NAV1: variants seen among roughly 807,000 people sequenced by gnomAD.
NAV1 encodes the protein neuron navigator 1.
In NAV1, 18 loss-of-function variants were observed where a neutral mutation model predicts 175.2. The observed-to-expected ratio is 0.10, with a 90% confidence interval of 0.07 to 0.15. The LOEUF is 0.15. Ranked by LOEUF, NAV1 falls within the 10% of genes least tolerant of loss-of-function variation. NAV1 has a pLI of 1.00. For missense variants in NAV1, 1,731 were observed against 2,436.6 expected, an observed-to-expected ratio of 0.71 and a Z score of 6.10; for synonymous variants, 897 against 978.7, an observed-to-expected ratio of 0.92 and a Z score of 1.56.
In NAV1 at chr1:201,808,802, T is replaced by G. The variant is rs1678491302; in HGVS notation, c.4138T>G (p.Leu1380Val). Residue 1380 changes from leucine to valine, a missense_variant, in exon 20 of 30, where the codon TTA (leucine) becomes GTA (valine). Leu to Val is a conservative substitution (Grantham distance 32). This residue lies in a region of NAV1 where 122 missense variants were observed against 139.4 expected (regional missense o/e 0.88). Transcript: ENST00000367296. The surrounding 1 kb of genome is among the most constrained non-coding windows in gnomAD (Gnocchi z 5.5). Reference sequence around the variant, plus strand: ...AGGGCAGGTCCCTGGATCATCTGCATTATCTTCCCCACGCCGCTCCCTAGG... The same window carrying G: ...AGGGCAGGTCCCTGGATCATCTGCAGTATCTTCCCCACGCCGCTCCCTAGG... 6.2e-7 allele frequency: 1 copy of G among 1,614,024 alleles called. No individual in the cohort carries two copies. Among genetic ancestry groups the G allele is most frequent in the African/African-American group, 1.3e-5 (1 of 74,942 alleles).
At chr1:201,804,542 C>T (rs936294526) in intron 17 of NAV1, 45 bp downstream of exon 21, 75 of 1,442,896 alleles carry the variant, frequency 5.2e-5, no homozygotes, top group Non-Finnish European at 6.6e-5. Context: ...TTTCCCTTTG[C>T]CATACCTTCC....
chr1:201,603,598 G>C (rs1667584382), intron 2 of NAV1, among the ~76,000 whole-genome samples: 1 of 152,140 alleles, frequency 6.6e-6, no homozygotes, highest in Non-Finnish European at 1.5e-5. Flanking sequence ...TGGGGTGCTT[G>C]GAAGGGCATC....
intron 3 of NAV1, among the ~76,000 whole-genome samples, chr1:201,727,809 G>A (rs1162320730): frequency 2.0e-5 from 3 of 152,194 alleles, no homozygotes; most frequent in African/African-American, 4.8e-5. Flanking sequence ...CCCACCAGAA[G>A]GGCAAGGAAG....
chr1:201,635,886 G>A (rs1668605331), intron 2 of NAV1, among the ~76,000 whole-genome samples: 2 of 152,204 alleles, frequency 1.3e-5, no homozygotes, highest in Admixed American at 6.5e-5. Flanking sequence ...AAGGAGAGGT[G>A]GCCTGGTTGA....
chr1:201,560,668 C>T (rs1666170258), intron 1 of NAV1, among the ~76,000 whole-genome samples: 1 of 152,228 alleles, frequency 6.6e-6, no homozygotes, highest in Non-Finnish European at 1.5e-5. Context: ...TCCTTCAATG[C>T]CCAAGTCACT....
intron 1 of NAV1, among the ~76,000 whole-genome samples, chr1:201,571,594 C>T (rs1666545026): frequency 6.6e-6 from 1 of 152,232 alleles, no homozygotes; most frequent in Non-Finnish European, 1.5e-5. Context: ...GTCCCTAGGT[C>T]TCTGGCTATG....
intron 1 of NAV1, among the ~76,000 whole-genome samples, chr1:201,558,932 G>A (rs1398897985): frequency 6.6e-6 from 1 of 152,114 alleles, no homozygotes; most frequent in Admixed American, 6.5e-5. Flanking sequence ...ATGGATGATT[G>A]AGAGGCAGGA....
rs1260233985 is a variant in NAV1 at position 201,591,341 on chromosome 1, C to T, written c.-33+2692C>T. Among the ~76,000 whole-genome samples, 5 of 152,236 alleles carry T rather than the reference C, an allele frequency of 3.3e-5. No homozygotes were observed. The East Asian group carries it at 7.7e-4, about 24-fold the overall frequency. On this transcript the variant is annotated intron_variant, in intron 2 of 33. Transcript: ENST00000685211. ...TCACCCCTTAGCAGTGACAGGTTGG[C>T]ACCATAGGAGATCTGTGCTCAGAGG... is the stretch of plus-strand genomic sequence containing the variant.
In NAV1 at chr1:201,788,582, C is replaced by T. The variant is rs1360223911; in HGVS notation, c.3110C>T (p.Ala1037Val). The change falls in exon 10 of 30, where the codon GCC becomes GTC. Residue 1037 changes from alanine to valine, a missense_variant. Transcript: ENST00000367296. This position sits in a 1 kb window ranked among gnomAD's most constrained non-coding sequence, Gnocchi z 5.7. The stretch of plus-strand genomic sequence containing the variant: ...CAAATGGGGAGCACCCTGTCCCTGG[C>T]CGAGAGACCCAAGGGAATGATTCGG... 1 of 1,614,032 alleles carries T rather than the reference C, an allele frequency of 6.2e-7. No individual in the cohort carries two copies. Among genetic ancestry groups the T allele is most frequent in the Non-Finnish European group, 8.5e-7 (1 of 1,180,028 alleles).
rs754276632 is a variant in NAV1, at chr1:201,794,566, C to T, written c.3506C>T (p.Thr1169Ile). The change falls in exon 15 of 30, where the codon ACC (threonine) becomes ATC (isoleucine). Residue 1169 changes from threonine to isoleucine, a missense_variant. Physicochemically the swap from Thr to Ile is moderately conservative, Grantham distance 89. Transcript: ENST00000367296. ...CAGGGAGCCCTTAATGCCTCAGAAA[C>T]CACACCCAAAGGTAGGACATCCAGC... is the stretch of plus-strand genomic sequence containing the variant. 9.9e-6 allele frequency: 16 copies of T among 1,613,454 alleles called. No individual in the cohort carries two copies. In the South Asian group the frequency reaches 1.5e-4, roughly 16 times the overall value.
chr1:201,784,909 C>T (rs1389789560), intron 7 of NAV1, among the ~76,000 whole-genome samples: 3 of 151,944 alleles, frequency 2.0e-5, no homozygotes, highest in Non-Finnish European at 2.9e-5. Context: ...CTGGGGACTA[C>T]AGGCGCCCAC....
chr1:201,731,908 C>G (rs957721354), intron 3 of NAV1, among the ~76,000 whole-genome samples: 3 of 152,162 alleles, frequency 2.0e-5, no homozygotes, highest in African/African-American at 7.2e-5. Context: ...CAGAGGGGCC[C>G]TGGGGGATAG....
At chr1:201,620,722 G>A (rs937720439), upstream of NAV1, among the ~76,000 whole-genome samples, 1 of 152,088 alleles carries the variant, frequency 6.6e-6, no homozygotes, top group African/African-American at 2.4e-5. Flanking sequence ...GCCTGCCTCA[G>A]TCTCCCAAAG....
At chr1:201,756,832 CTTTCTTTCT>C (rs1674517738) in intron 3 of NAV1, among the ~76,000 whole-genome samples, 3 of 64,958 alleles carry the variant, frequency 4.6e-5, no homozygotes, top group African/African-American at 1.2e-4. Context: ...TTCTTTCTTT[CTTTCTTTCT>C]TTCTTTCTTT....
At chr1:201,561,856 C>T (rs1666209704) in intron 1 of NAV1, among the ~76,000 whole-genome samples, 1 of 152,182 alleles carries the variant, frequency 6.6e-6, no homozygotes, top group Non-Finnish European at 1.5e-5. Context: ...ATCAGATCCC[C>T]CATGTTCAGG....
At chr1:201,793,369 T>A (rs116368817) in intron 13 of NAV1, 3,410 of 155,396 alleles carry the variant, frequency 0.022, 52 homozygotes, top group Non-Finnish European at 0.036. Flanking sequence ...GCCAGGAGAT[T>A]ATTTGGTCCC....
At chr1:201,550,938 T>C (rs1044536605) in intron 1 of NAV1, among the ~76,000 whole-genome samples, 1 of 152,236 alleles carries the variant, frequency 6.6e-6, no homozygotes, top group African/African-American at 2.4e-5. Flanking sequence ...ATCAGAGTTC[T>C]TCCTCAGGCC....
At chr1:201,739,878 G>C (rs553801653) in intron 3 of NAV1, 3 of 1,286,542 alleles carry the variant, frequency 2.3e-6, no homozygotes, top group Non-Finnish European at 3.0e-6. Flanking sequence ...GGAGAAAAGG[G>C]AGCGGAGGGC....
chr1:201,754,107 G>T (rs765872250), intron 3 of NAV1, among the ~76,000 whole-genome samples: 3 of 152,004 alleles, frequency 2.0e-5, no homozygotes, highest in African/African-American at 7.3e-5. Context: ...CCTCTGTTCC[G>T]GGGAAAATAT....
Sources: gnomAD v4.1 joint callset for allele counts (sites outside exome capture counted in the v4.1 genomes callset) on GRCh38, gnomAD v4.1.1 for gene constraint, gnomAD v4.1.1 regional missense constraint, Gnocchi (gnomAD v3.1) non-coding constraint, MANE v1.5 for transcripts, NCBI Gene and HGNC (gene_info 2026-07-23, HGNC 2026-07-21) for gene names.